The following LECT2 variants were observed in gnomAD, a reference collection of about 807,000 sequenced individuals.
LECT2 encodes leukocyte cell derived chemotaxin 2.
A neutral mutation model predicts 16.6 loss-of-function variants in LECT2; 11 were observed. The ratio of observed to expected loss-of-function variants is 0.66; its 90% CI spans 0.42 to 1.09. LECT2 has a LOEUF of 1.09. Among genes scored for constraint, LECT2 ranks in the 50% least tolerant of loss-of-function variants. The pLI, the probability that LECT2 is intolerant of heterozygous loss-of-function variation, is 0.00. For synonymous variants in LECT2, 54 were observed against 64.8 expected, an observed-to-expected ratio of 0.83 and a Z score of 0.80; for missense variants, 173 against 184.2, an observed-to-expected ratio of 0.94 and a Z score of 0.35.
At chr5:135,947,995 G>A (rs1768594509) in intron 3 of LECT2, among the ~76,000 whole-genome samples, 1 of 152,210 alleles carries the variant, frequency 6.6e-6, no homozygotes, top group Non-Finnish European at 1.5e-5. Context: ...CCTATTAAAA[G>A]ATGTCCCATT....
chr5:135,954,748 A>G (rs781481890), intron 1 of LECT2, 40 bp downstream of exon 1: 1 of 1,477,380 alleles, frequency 6.8e-7, no homozygotes, highest in South Asian at 1.1e-5. Flanking sequence ...ATCAGTTTTT[A>G]AAAGTTAATC....
rs1763840631 is a variant in LECT2, at chr5:135,954,936, T to A, written c.-103A>T. The A allele has an allele frequency of 1.2e-6, 1 of 855,104 alleles. No individual in the cohort carries two copies. Among genetic ancestry groups the A allele is most frequent in the South Asian group, 1.6e-5 (1 of 64,310 alleles). 53.0% of individuals were successfully genotyped at this position (855,104 alleles called of 1,614,324 possible). A position where few individuals can be genotyped will look rare whatever the true frequency, so the allele number is the denominator to read the frequency against. ...TGAATACTTCCTAGCTATTTAGCCT[T>A]AGAATTCTGCATCTCTCATTTCTTT... On this transcript the variant is annotated 5_prime_UTR_variant, in exon 1 of 4. An upstream open reading frame in the 5' UTR loses its in-frame stop. Transcript: ENST00000274507.
Position 135,954,874 on chromosome 5 carries a change from GC to G in LECT2, c.-42del. On this transcript the variant is annotated 5_prime_UTR_variant, in exon 1 of 4. Transcript: ENST00000274507. ...TTAGTTTCTTCCTCTGATTAGAGTT[GC>G]CCCCACACTCTCTTTGAAGAATATT... 1.4e-6 allele frequency: 2 copies of G among 1,401,588 alleles called. No individual in the cohort carries two copies. The highest frequency in any genetic ancestry group is 1.0e-6 in the Non-Finnish European group (1 of 987,422). 86.8% of individuals were successfully genotyped at this position (1,401,588 alleles called of 1,614,324 possible). A position where few individuals can be genotyped will look rare whatever the true frequency, so the allele number is the denominator to read the frequency against.
At chr5:135,949,708 A>G (rs559401104) in intron 3 of LECT2, among the ~76,000 whole-genome samples, 3 of 152,346 alleles carry the variant, frequency 2.0e-5, no homozygotes, top group Non-Finnish European at 4.4e-5. Flanking sequence ...CTTTTGTTCA[A>G]GAGGCTCTGG....
intron 3 of LECT2, among the ~76,000 whole-genome samples, chr5:135,950,203 C>G (rs1437437909): frequency 6.6e-6 from 1 of 152,174 alleles, no homozygotes; most frequent in African/African-American, 2.4e-5. Flanking sequence ...AAACTGGAAA[C>G]TGCCCAAAAG....
At position 135,951,213 on chromosome 5, in the gene LECT2, C is replaced by A. The variant is rs375623578; in HGVS notation, c.289+10G>T. ...GGAGGCACCCCAGGTGTAGACTCCA[C>A]CTCTCTTACCTCTTCCAGATATTCG... On this transcript the variant is annotated intron_variant, in intron 3 of 3. Coordinates refer to ENST00000274507, the MANE Select transcript of LECT2 (RefSeq NM_002302.3). 8 of 1,613,620 alleles carry A rather than the reference C, an allele frequency of 5.0e-6. No homozygotes were observed. The highest frequency in any genetic ancestry group is 3.3e-5 in the Admixed American group (2 of 59,978).
chr5:135,951,120 AT>A, intron 3 of LECT2, 102 bp downstream of exon 3: 1 of 1,166,510 alleles, frequency 8.6e-7, no homozygotes, highest in Non-Finnish European at 1.2e-6. Context: ...AGGTTTTATC[AT>A]TTTGAAAGAA....
At position 135,947,267 on chromosome 5, in the gene LECT2, AG is replaced by A. The variant is rs1399566367; in HGVS notation, c.*63del. The A allele has an allele frequency of 4.5e-5, 66 of 1,461,296 alleles. No individual in the cohort carries two copies. Among genetic ancestry groups the A allele is most frequent in the South Asian group, 8.5e-5 (7 of 82,500 alleles). The allele number at this position is 1,461,296 out of a possible 1,614,324, so 90.5% of individuals were successfully genotyped here. A position where few individuals can be genotyped will look rare whatever the true frequency, so the allele number is the denominator to read the frequency against. ...TGTGAACACAAATTTCTTGAAGAGAAGGGTATGCATCCAGGTTTTTAAGATG... is the reference window on the plus strand; with the variant it reads ...TGTGAACACAAATTTCTTGAAGAGAAGGTATGCATCCAGGTTTTTAAGATG... On this transcript the variant is annotated 3_prime_UTR_variant, in exon 4 of 4. Coordinates refer to ENST00000274507, the MANE Select transcript of LECT2 (RefSeq NM_002302.3).
At chr5:135,951,014 T>C (rs1367815676) in intron 3 of LECT2, 3 of 578,216 alleles carry the variant, frequency 5.2e-6, no homozygotes, top group Non-Finnish European at 9.2e-6. Context: ...GGTTTACCTA[T>C]ATAACAAATG....
intron 2 of LECT2, among the ~76,000 whole-genome samples, chr5:135,952,412 A>G (rs31516): frequency 0.62 from 94,040 of 152,032 alleles, 29,309 homozygotes; most frequent in South Asian, 0.69. Flanking sequence ...AATATTCAAC[A>G]TCCAGAGCCT....
rs781033765 is a variant in LECT2, at chr5:135,947,389, A to G, written c.398T>C (p.Ile133Thr). The G allele has an allele frequency of 1.2e-6, 2 of 1,614,104 alleles. No individual in the cohort carries two copies. Among genetic ancestry groups the G allele is most frequent in the Non-Finnish European group, 8.5e-7 (1 of 1,179,926 alleles). ...GTTTTCAATGTGCACATGCGATTGT[A>G]TGCCAGGATAAACTTTCTGCAAGGG... Reference protein sequence around the residue: ...LLPLQKVYPGIQSHVHIENCD... With the variant: ...LLPLQKVYPGTQSHVHIENCD... Residue 133 changes from isoleucine (I) to threonine (T), a missense_variant, in exon 4 of 4, where the codon ATA (isoleucine) becomes ACA (threonine). By Grantham distance (89) the Ile-to-Thr change is moderately conservative. Transcript: ENST00000274507.
intron 1 of LECT2, among the ~76,000 whole-genome samples, chr5:135,953,410 C>T (rs1763822893): frequency 6.6e-6 from 1 of 152,098 alleles, no homozygotes; most frequent in Non-Finnish European, 1.5e-5. Flanking sequence ...CCATGTTGGT[C>T]AGGACGGTCT....
intron 3 of LECT2, among the ~76,000 whole-genome samples, chr5:135,949,462 T>G (rs1253351718): frequency 6.6e-6 from 1 of 152,222 alleles, no homozygotes; most frequent in Non-Finnish European, 1.5e-5. Context: ...ATTTACCACC[T>G]GACTCTAAGC....
Position 135,952,599 on chromosome 5 carries a change from G to T in LECT2, c.143+272C>A, listed in dbSNP as rs368426072. Among the ~76,000 whole-genome samples, 8 of 152,070 alleles carry T rather than the reference G, an allele frequency of 5.3e-5. No individual in the cohort carries two copies. The South Asian group carries it at 1.2e-3, about 24-fold the overall frequency. On this transcript the variant is annotated intron_variant, in intron 2 of 3. Coordinates refer to ENST00000274507, the MANE Select transcript of LECT2 (RefSeq NM_002302.3). Reference sequence around the variant, plus strand: ...AATAACCCTTTGGAAAAAAACAGTTGAGATAAGTGAATGTGTGAAGACATT... The same window carrying T: ...AATAACCCTTTGGAAAAAAACAGTTTAGATAAGTGAATGTGTGAAGACATT...
chr5:135,953,743 G>A (rs1490199851), intron 1 of LECT2, among the ~76,000 whole-genome samples: 1 of 152,160 alleles, frequency 6.6e-6, no homozygotes, highest in East Asian at 1.9e-4. Context: ...AAGGAGAAAC[G>A]AACTCTGTAC....
rs185775705 is a variant in LECT2, at chr5:135,954,738, A to G, written c.46+50T>C. On this transcript the variant is annotated intron_variant, in intron 1 of 3. Coordinates refer to ENST00000274507, the MANE Select transcript of LECT2 (RefSeq NM_002302.3). Reference sequence around the variant, plus strand: ...TTAATCTTTTTAGTCTTCCCCTGAAATCAGTTTTTAAAAGTTAATCAATAT... The same window carrying G: ...TTAATCTTTTTAGTCTTCCCCTGAAGTCAGTTTTTAAAAGTTAATCAATAT... The G allele has an allele frequency of 1.5e-5, 20 of 1,324,360 alleles. No homozygotes were observed. The East Asian group carries it at 3.9e-4, about 26-fold the overall frequency. 82.0% of individuals were successfully genotyped at this position (1,324,360 alleles called of 1,614,324 possible). A position where few individuals can be genotyped will look rare whatever the true frequency, so the allele number is the denominator to read the frequency against.
At chr5:135,952,812 A>G in intron 2 of LECT2, 59 bp downstream of exon 2, 1 of 1,241,180 alleles carries the variant, frequency 8.1e-7, no homozygotes. Context: ...TTGGGCAAGG[A>G]CACTAAGAAA....
chr5:135,947,632 A>G (rs1387194468), intron 3 of LECT2, 135 bp from the exon 4 acceptor site: 2 of 1,026,440 alleles, frequency 1.9e-6, no homozygotes, highest in African/African-American at 1.6e-5. Context: ...GAAAATGACA[A>G]AATGATATTA....
Position 135,954,600 on chromosome 5 carries a change from G to A in LECT2, c.46+188C>T, listed in dbSNP as rs369824644. ...ATTATGTTTCCCTCATTAAAGAACC[G>A]GAACATTCCATTTAAATTACTTAAA... On this transcript the variant is annotated intron_variant, in intron 1 of 3. Transcript: ENST00000274507. Among the ~76,000 whole-genome samples, 38 of 152,134 alleles carry A rather than the reference G, an allele frequency of 2.5e-4. No individual in the cohort carries two copies. The South Asian group carries it at 7.3e-3, about 29-fold the overall frequency.
Sources: allele counts gnomAD v4.1 joint callset (sites outside exome capture counted in the v4.1 genomes callset), GRCh38; gene constraint gnomAD v4.1.1; transcripts MANE v1.5; gene names NCBI Gene and HGNC (gene_info 2026-07-23, HGNC 2026-07-21).